RANBP2: variants seen among roughly 807,000 people sequenced by gnomAD.
RANBP2 encodes the protein RAN binding protein 2, also known as E3 SUMO-protein ligase RanBP2.
In RANBP2, 57 loss-of-function variants were observed where a neutral mutation model predicts 303.6. The ratio of observed to expected loss-of-function variants is 0.19; its 90% CI spans 0.15 to 0.23. The LOEUF (loss-of-function observed/expected upper bound fraction) is 0.23. Among genes scored for constraint, RANBP2 ranks in the 10% least tolerant of loss-of-function variants. RANBP2 has a pLI of 1.00. For missense variants in RANBP2, 3,138 were observed against 3,780.8 expected (o/e 0.83, Z 4.46); for synonymous variants, 1,167 against 1,301.5 (o/e 0.90, Z 2.23).
the RANBP2 span, among the ~76,000 whole-genome samples, chr2:108,800,680 G>C: frequency 8.6e-6 from 1 of 115,924 alleles, no homozygotes; most frequent in Non-Finnish European, 1.7e-5. Context: ...ACATTGTGCA[G>C]GTTAGTTACA....
chr2:108,773,177 GC>G, intron 23 of RANBP2, 131 bp downstream of exon 23: 2 of 944,692 alleles, frequency 2.1e-6, no homozygotes, highest in Non-Finnish European at 3.3e-6. Flanking sequence ...GAGTGCAATG[GC>G]ATGCTCGTGG....
the RANBP2 span, among the ~76,000 whole-genome samples, chr2:108,912,928 A>G: frequency 6.6e-6 from 1 of 151,854 alleles, no homozygotes; most frequent in Non-Finnish European, 1.5e-5. Context: ...AATGAACCCT[A>G]AAGAGTCATC....
chr2:108,826,477 C>T, the RANBP2 span, among the ~76,000 whole-genome samples: 1 of 152,002 alleles, frequency 6.6e-6, no homozygotes, highest in Non-Finnish European at 1.5e-5. Context: ...CCTGTAGATA[C>T]CCATTTGTTT....
At chr2:108,839,624 A>G in the RANBP2 span, among the ~76,000 whole-genome samples, 1 of 152,030 alleles carries the variant, frequency 6.6e-6, no homozygotes. Context: ...GAGTATTTAA[A>G]TTTTTTGAGC....
At chr2:109,318,913 GAATTCAAT>G in the RANBP2 span, among the ~76,000 whole-genome samples, 1 of 152,240 alleles carries the variant, frequency 6.6e-6, no homozygotes, top group East Asian at 1.9e-4. Context: ...TGAGCCAAGT[GAATTCAAT>G]ATGTAATGAA....
chr2:109,122,958 C>T, the RANBP2 span, among the ~76,000 whole-genome samples: 1 of 152,212 alleles, frequency 6.6e-6, no homozygotes, highest in Non-Finnish European at 1.5e-5. Context: ...ATTCCTCTCA[C>T]CTCAAGTTGT....
At chr2:109,538,937 T>G in the RANBP2 span, among the ~76,000 whole-genome samples, 1 of 152,256 alleles carries the variant, frequency 6.6e-6, no homozygotes, top group South Asian at 2.1e-4. Flanking sequence ...TCTACCACAT[T>G]TGCAGTGATA....
the RANBP2 span, among the ~76,000 whole-genome samples, chr2:109,131,379 G>C: frequency 6.6e-6 from 1 of 152,134 alleles, no homozygotes; most frequent in Non-Finnish European, 1.5e-5. Flanking sequence ...CTAAATGCTT[G>C]CGTTAGAAAT....
At chr2:109,086,211 G>A in the RANBP2 span, among the ~76,000 whole-genome samples, 1 of 152,238 alleles carries the variant, frequency 6.6e-6, no homozygotes, top group African/African-American at 2.4e-5. Context: ...ACCTCTGGCT[G>A]TTGTCAACAG....
At chr2:108,924,082 C>T in the RANBP2 span, among the ~76,000 whole-genome samples, 1 of 152,364 alleles carries the variant, frequency 6.6e-6, no homozygotes, top group African/African-American at 2.4e-5. Flanking sequence ...TGACAGAAGA[C>T]ACCCTTGGAA....
At chr2:108,759,188 G>T (rs935053238) in intron 18 of RANBP2, among the ~76,000 whole-genome samples, 14 of 151,874 alleles carry the variant, frequency 9.2e-5, no homozygotes, top group African/African-American at 3.4e-4. Context: ...GTTACTAATA[G>T]TGTTTACTGT....
chr2:109,606,182 C>A, the RANBP2 span, among the ~76,000 whole-genome samples: 1 of 151,974 alleles, frequency 6.6e-6, no homozygotes, highest in Non-Finnish European at 1.5e-5. Flanking sequence ...TTTGGGAGAC[C>A]AAGGAGGGAG....
At chr2:109,046,183 A>G in the RANBP2 span, among the ~76,000 whole-genome samples, 14 of 151,160 alleles carry the variant, frequency 9.3e-5, no homozygotes, top group Admixed American at 5.3e-4. Flanking sequence ...GGGCGCCTGT[A>G]GTCCCAGCTA....
the RANBP2 span, chr2:109,130,194 G>A: frequency 3.9e-4 from 474 of 1,207,416 alleles, 1 homozygote; most frequent in Middle Eastern, 3.5e-3. Flanking sequence ...GCAGTGATGA[G>A]GTGCGGAGGA....
the RANBP2 span, among the ~76,000 whole-genome samples, chr2:108,933,493 G>C: frequency 6.6e-6 from 1 of 152,174 alleles, no homozygotes; most frequent in Middle Eastern, 3.2e-3. Flanking sequence ...GTCTTTCCTT[G>C]GGTCTCGGCT....
chr2:109,568,846 G>A, the RANBP2 span, among the ~76,000 whole-genome samples: 4 of 152,120 alleles, frequency 2.6e-5, no homozygotes, highest in African/African-American at 9.7e-5. Context: ...AGCAGAGGAA[G>A]GAAACTGTAT....
chr2:109,607,960 T>A, the RANBP2 span, among the ~76,000 whole-genome samples: 1 of 152,210 alleles, frequency 6.6e-6, no homozygotes, highest in Non-Finnish European at 1.5e-5. Context: ...CTGAAGATTA[T>A]GCTGGAGATG....
the RANBP2 span, among the ~76,000 whole-genome samples, chr2:109,237,626 C>T: frequency 2.0e-4 from 31 of 152,126 alleles, 1 homozygote; most frequent in African/African-American, 5.1e-4. Context: ...TAAAGCTCAT[C>T]GGCTATTGTT....
At chr2:108,790,985 C>T in the RANBP2 span, among the ~76,000 whole-genome samples, 1 of 152,044 alleles carries the variant, frequency 6.6e-6, no homozygotes, top group Non-Finnish European at 1.5e-5. Flanking sequence ...TGATCTTGAA[C>T]TCCTGGGCTC....
Sources: gnomAD v4.1 joint callset for allele counts (sites outside exome capture counted in the v4.1 genomes callset) on GRCh38, gnomAD v4.1.1 for gene constraint, MANE v1.5 for transcripts, NCBI Gene and HGNC (gene_info 2026-07-23, HGNC 2026-07-21) for gene names.